ACYP2: variants seen among roughly 807,000 people sequenced by gnomAD.
The protein encoded by ACYP2 is acylphosphatase-2.
A neutral mutation model predicts 11.2 loss-of-function variants in ACYP2; 12 were observed. The ratio of observed to expected loss-of-function variants is 1.08; its 90% CI spans 0.69 to 1.74. The LOEUF (loss-of-function observed/expected upper bound fraction) is 1.74. ACYP2 is among the 40% of genes most tolerant of loss of function. The pLI, the probability that ACYP2 is intolerant of heterozygous loss-of-function variation, is 0.00. For synonymous variants in ACYP2, 43 were observed against 32.2 expected (o/e 1.33, Z -1.13); for missense variants, 134 against 101.9 (o/e 1.31, Z -1.35).
At chr2:54,125,550 G>A (rs1019225124) in intron 4 of ACYP2, among the ~76,000 whole-genome samples, 1 of 151,186 alleles carries the variant, frequency 6.6e-6, no homozygotes, top group Non-Finnish European at 1.5e-5. Flanking sequence ...AGGAGTTTGA[G>A]ACCAGCCTGG....
rs144783996 is a variant in ACYP2 at position 54,060,956 on chromosome 2, A to T, written c.277+3596A>T. 4.3e-3 allele frequency among the ~76,000 whole-genome samples: 659 copies of T among 152,096 alleles called. 5 individuals are homozygous for T. The highest frequency in any genetic ancestry group is 0.015 in the African/African-American group (615 of 41,466). On this transcript the variant is annotated intron_variant, in intron 4 of 6. Transcript: ENST00000607452. ...CCCTTATGTTTTATACCATTTTTAG[A>T]TGAAATTTCAGAAAAAAAGAGAAGA...
At chr2:54,191,136 T>G (rs951390139) in intron 6 of ACYP2, among the ~76,000 whole-genome samples, 1 of 152,124 alleles carries the variant, frequency 6.6e-6, no homozygotes, top group Non-Finnish European at 1.5e-5. Flanking sequence ...CTCAGCTCCC[T>G]GCTTTCCCCT....
In ACYP2 at chr2:54,051,792, C is replaced by T. The variant is rs1407221264; in HGVS notation, c.155+742C>T. 13 of 426,430 alleles carry T rather than the reference C, an allele frequency of 3.0e-5. No individual in the cohort carries two copies. The East Asian group carries it at 7.1e-4, about 23-fold the overall frequency. 26.4% of individuals were successfully genotyped at this position (426,430 alleles called of 1,614,324 possible). ...AGGCTCAGTGGCTCACACCTGTAAT[C>T]CCGGCACTTTGGGAGGCCGAGGCAG... is the stretch of plus-strand genomic sequence containing the variant. On this transcript the variant is annotated intron_variant, in intron 3 of 6. Coordinates refer to ENST00000607452, the MANE Select transcript of ACYP2 (RefSeq NM_001320586.2).
intron 6 of ACYP2, among the ~76,000 whole-genome samples, chr2:54,139,419 G>A (rs572648157): frequency 1.9e-4 from 29 of 152,308 alleles, no homozygotes; most frequent in Middle Eastern, 6.8e-3. Context: ...AAGTCCAAGA[G>A]AGGCCAGATT....
At chr2:54,285,848 G>C (rs1194834740) in intron 6 of ACYP2, among the ~76,000 whole-genome samples, 1 of 152,168 alleles carries the variant, frequency 6.6e-6, no homozygotes, top group Non-Finnish European at 1.5e-5. Context: ...TGGAACTTTA[G>C]CATCCATCTT....
In ACYP2 at chr2:54,140,179, T is replaced by C. The variant is rs143994501; in HGVS notation, c.404+1431T>C. 1.5e-4 allele frequency among the ~76,000 whole-genome samples: 23 copies of C among 152,306 alleles called. No homozygotes were observed. The East Asian group carries it at 2.1e-3, about 14-fold the overall frequency. ...AAATGTACAAGAAATTTTGGGACTTTCGTTGTACAGAACTGATAGTTCAAT... is the reference window on the plus strand; with the variant it reads ...AAATGTACAAGAAATTTTGGGACTTCCGTTGTACAGAACTGATAGTTCAAT... On this transcript the variant is annotated intron_variant, in intron 6 of 6. Coordinates refer to ENST00000607452, the MANE Select transcript of ACYP2 (RefSeq NM_001320586.2).
intron 6 of ACYP2, among the ~76,000 whole-genome samples, chr2:54,299,578 C>T (rs533728596): frequency 2.2e-5 from 3 of 136,604 alleles, no homozygotes; most frequent in South Asian, 2.3e-4. Context: ...GGCGACAGAG[C>T]GAGACTCTGT....
chr2:54,054,453 G>T (rs1366804391), intron 3 of ACYP2, among the ~76,000 whole-genome samples: 1 of 152,200 alleles, frequency 6.6e-6, no homozygotes. Context: ...ATATTCTGCT[G>T]ACAGATTGAT....
At chr2:54,174,088 T>C (rs1294477756) in intron 6 of ACYP2, among the ~76,000 whole-genome samples, 1 of 152,220 alleles carries the variant, frequency 6.6e-6, no homozygotes, top group East Asian at 1.9e-4. Flanking sequence ...GGTAGCTTGA[T>C]GGAGATGGCA....
At chr2:54,134,513 A>G (rs1189306241) in intron 4 of ACYP2, among the ~76,000 whole-genome samples, 1 of 152,198 alleles carries the variant, frequency 6.6e-6, no homozygotes, top group Non-Finnish European at 1.5e-5. Flanking sequence ...TGCCAAGTAT[A>G]CTCAACTGTA....
chr2:54,057,432 A>G (rs1024793201), intron 4 of ACYP2: 1 of 393,698 alleles, frequency 2.5e-6, no homozygotes, highest in African/African-American at 2.1e-5. Context: ...ATTTTGGTAT[A>G]TAAAATTAGC....
At chr2:54,075,487 G>C (rs974158006) in intron 4 of ACYP2, among the ~76,000 whole-genome samples, 1 of 142,374 alleles carries the variant, frequency 7.0e-6, no homozygotes, top group Non-Finnish European at 1.5e-5. Flanking sequence ...GACAGAGTGA[G>C]ATTCTGTCTC....
chr2:54,162,544 A>G (rs1682765432), intron 6 of ACYP2, among the ~76,000 whole-genome samples: 1 of 152,168 alleles, frequency 6.6e-6, no homozygotes, highest in Non-Finnish European at 1.5e-5. Flanking sequence ...TTAGAAATGC[A>G]GATTCTCGGC....
intron 1 of ACYP2, among the ~76,000 whole-genome samples, chr2:53,972,495 T>C (rs1057305808): frequency 1.3e-5 from 2 of 151,758 alleles, no homozygotes; most frequent in Non-Finnish European, 2.9e-5. Context: ...TAGTCCCAGC[T>C]ACTCGGGAGG....
rs146551330 is a variant in ACYP2 at position 54,237,181 on chromosome 2, T to C, written c.405-67507T>C. 7.1e-3 allele frequency among the ~76,000 whole-genome samples: 1,081 copies of C among 152,358 alleles called. 5 individuals are homozygous for C. The highest frequency in any genetic ancestry group is 0.012 in the Non-Finnish European group (817 of 68,022). ...CAGGGACTTGACTATCCATGGATTT[T>C]GGTATCCATAGGAGGTCTTGGAATC... On this transcript the variant is annotated intron_variant, in intron 6 of 6. Coordinates refer to ENST00000607452, the MANE Select transcript of ACYP2 (RefSeq NM_001320586.2).
chr2:54,208,751 T>A (rs1685201141), intron 6 of ACYP2, among the ~76,000 whole-genome samples: 1 of 150,910 alleles, frequency 6.6e-6, no homozygotes, highest in Admixed American at 6.6e-5. Context: ...TAGAGAAAAG[T>A]AAGAGGAAAA....
At chr2:54,235,797 T>C (rs1036349018) in intron 6 of ACYP2, among the ~76,000 whole-genome samples, 1 of 152,190 alleles carries the variant, frequency 6.6e-6, no homozygotes, top group African/African-American at 2.4e-5. Context: ...GCACGTAATA[T>C]GCATGCAGCA....
In ACYP2 at chr2:54,293,616, G is replaced by A. The variant is rs79950269; in HGVS notation, c.405-11072G>A. On this transcript the variant is annotated intron_variant, in intron 6 of 6. Coordinates refer to ENST00000607452, the MANE Select transcript of ACYP2 (RefSeq NM_001320586.2). ...AGGCTGTCTACCATCTTTGGCAAAG[G>A]CAGGAAACAATTACACTGTAATAAT... Among the ~76,000 whole-genome samples the A allele has an allele frequency of 3.0e-3, 463 of 152,320 alleles. 18 individuals are homozygous for A. The East Asian group carries it at 0.072, about 24-fold the overall frequency.
At chr2:54,028,829 T>C (rs566810511) in intron 2 of ACYP2, among the ~76,000 whole-genome samples, 1 of 152,318 alleles carries the variant, frequency 6.6e-6, no homozygotes, top group African/African-American at 2.4e-5. Flanking sequence ...TCTGTGGTTC[T>C]TCCCTGCACA....
Sources: allele counts gnomAD v4.1 joint callset (sites outside exome capture counted in the v4.1 genomes callset), GRCh38; gene constraint gnomAD v4.1.1; transcripts MANE v1.5; gene names NCBI Gene and HGNC (gene_info 2026-07-23, HGNC 2026-07-21).